Variants in CCDC148 observed in about 807,000 individuals in gnomAD.
The protein encoded by CCDC148 is coiled-coil domain-containing protein 148.
A neutral mutation model predicts 85.7 loss-of-function variants in CCDC148; 89 were observed. The ratio of observed to expected loss-of-function variants is 1.04; its 90% CI spans 0.87 to 1.24. The LOEUF (loss-of-function observed/expected upper bound fraction) is 1.24. Among genes scored for constraint, CCDC148 ranks in the 50% most tolerant of loss-of-function variants. The pLI is 0.00. For missense variants in CCDC148, 692 were observed against 671.7 expected, an observed-to-expected ratio of 1.03 and a Z score of -0.33; for synonymous variants, 230 against 213.9, an observed-to-expected ratio of 1.08 and a Z score of -0.66.
Position 158,328,644 on chromosome 2 carries a change from C to T in CCDC148, c.764+10082G>A, listed in dbSNP as rs372519869. ...CAGTCCCACCAACAGTGTAAAAGTG[C>T]TCCTATTTCTCCACATCCTCTCCAG... On this transcript the variant is annotated intron_variant, in intron 7 of 13. Transcript: ENST00000283233. Among the ~76,000 whole-genome samples the T allele has an allele frequency of 1.3e-4, 20 of 152,118 alleles. No homozygotes were observed. In the East Asian group the frequency reaches 1.5e-3, roughly 12 times the overall value.
At chr2:158,278,858 G>C (rs1178492310) in intron 9 of CCDC148, among the ~76,000 whole-genome samples, 2 of 152,202 alleles carry the variant, frequency 1.3e-5, no homozygotes, top group African/African-American at 4.8e-5. Flanking sequence ...CCCCTGAGCA[G>C]CCTAACTGGG....
chr2:158,178,965 G>A lies in CCDC148; in HGVS notation c.1402C>T (p.Arg468Cys), dbSNP rs770140859. 1.2e-5 allele frequency: 19 copies of A among 1,612,840 alleles called. No individual in the cohort carries two copies. The highest frequency in any genetic ancestry group is 5.0e-5 in the Admixed American group (3 of 59,918). The change falls in exon 12 of 14, where the codon CGT (arginine) becomes TGT (cysteine). Residue 468 changes from arginine to cysteine, a missense_variant. Transcript: ENST00000283233. ...GCCACTTCCTTTTTCTCCATCAAAC[G>A]CCTTTCCAATAATTCTTGTCTATAT... The part of the protein sequence containing the change: ...VKYRQELLER[R>C]LMEKKEVALQ...
At chr2:158,216,007 G>T (rs567051585) in intron 11 of CCDC148, among the ~76,000 whole-genome samples, 66 of 152,092 alleles carry the variant, frequency 4.3e-4, no homozygotes, top group Admixed American at 4.6e-4. Flanking sequence ...AGAATAGTGA[G>T]AAAATAAATT....
chr2:158,329,726 G>A (rs186933858), intron 7 of CCDC148, among the ~76,000 whole-genome samples: 1,964 of 151,882 alleles, frequency 0.013, 35 homozygotes, highest in African/African-American at 0.044. Context: ...GGTCCTTCAC[G>A]TCCCTTGTAA....
At chr2:158,189,984 A>G (rs1016334678) in intron 11 of CCDC148, among the ~76,000 whole-genome samples, 1 of 152,070 alleles carries the variant, frequency 6.6e-6, no homozygotes, top group Non-Finnish European at 1.5e-5. Flanking sequence ...CTGTAGGTAA[A>G]TAACAGGACA....
intron 11 of CCDC148, among the ~76,000 whole-genome samples, chr2:158,191,182 G>A (rs758017488): frequency 5.3e-4 from 81 of 151,942 alleles, no homozygotes; most frequent in Non-Finnish European, 1.1e-3. Flanking sequence ...AGAAACCACA[G>A]TCTTCTCCCT....
intron 2 of CCDC148, among the ~76,000 whole-genome samples, chr2:158,357,007 C>A (rs570593898): frequency 2.7e-5 from 4 of 149,786 alleles, no homozygotes; most frequent in South Asian, 4.3e-4. Flanking sequence ...TGCATATTCT[C>A]ACTCATAGGT....
intron 1 of CCDC148, among the ~76,000 whole-genome samples, chr2:158,435,698 CA>C (rs1398531057): frequency 3.0e-4 from 45 of 152,244 alleles, no homozygotes; most frequent in Non-Finnish European, 2.5e-4. Flanking sequence ...GATAAAGAGT[CA>C]AGACCCATCA....
chr2:158,256,604 T>A (rs952251495), intron 9 of CCDC148, among the ~76,000 whole-genome samples: 1 of 151,792 alleles, frequency 6.6e-6, no homozygotes, highest in Non-Finnish European at 1.5e-5. Context: ...TGCCTATAAC[T>A]GACAATAATG....
intron 1 of CCDC148, among the ~76,000 whole-genome samples, chr2:158,429,267 C>A (rs1381160212): frequency 6.6e-6 from 1 of 151,682 alleles, no homozygotes; most frequent in African/African-American, 2.4e-5. Context: ...CACATGTACC[C>A]TATAACTTAA....
Position 158,341,494 on chromosome 2 carries a change from T to A in CCDC148, c.252-814A>T, listed in dbSNP as rs558734254. ...GCTAATATGTGCGTGTGTGTACTTT[T>A]ATTAGAGACAGGGTTTCACTATGTG... On this transcript the variant is annotated intron_variant, in intron 3 of 13. Transcript: ENST00000283233. 7.9e-5 allele frequency among the ~76,000 whole-genome samples: 12 copies of A among 152,202 alleles called. No homozygotes were observed. The East Asian group carries it at 2.3e-3, about 29-fold the overall frequency.
intron 2 of CCDC148, among the ~76,000 whole-genome samples, chr2:158,355,346 A>T (rs1683571860): frequency 6.6e-6 from 1 of 152,074 alleles, no homozygotes. Context: ...TCTCAGCCCA[A>T]AATCTCCTTA....
At chr2:158,452,303 C>T (rs537600264) in intron 1 of CCDC148, among the ~76,000 whole-genome samples, 1 of 152,148 alleles carries the variant, frequency 6.6e-6, no homozygotes, top group East Asian at 1.9e-4. Flanking sequence ...TGCTAGGAAA[C>T]GTATGATAAA....
chr2:158,225,654 C>T (rs1403815354), intron 10 of CCDC148, among the ~76,000 whole-genome samples: 1 of 152,222 alleles, frequency 6.6e-6, no homozygotes, highest in South Asian at 2.1e-4. Flanking sequence ...AAGAAACTCA[C>T]TCAAAACTGC....
Position 158,277,364 on chromosome 2 carries a change from A to T in CCDC148, c.1111-26452T>A, listed in dbSNP as rs192247191. Among the ~76,000 whole-genome samples, 5 of 152,280 alleles carry T rather than the reference A, an allele frequency of 3.3e-5. No individual in the cohort carries two copies. The East Asian group carries it at 9.6e-4, about 29-fold the overall frequency. ...ATAATGACCATTCCTGATACTTACC[A>T]TTCACACCTACTGAGAATGTTCCAA... is the stretch of plus-strand genomic sequence containing the variant. On this transcript the variant is annotated intron_variant, in intron 9 of 13. Transcript: ENST00000283233.
chr2:158,403,150 T>A (rs913921218), intron 1 of CCDC148, among the ~76,000 whole-genome samples: 3 of 152,078 alleles, frequency 2.0e-5, no homozygotes, highest in Admixed American at 6.6e-5. Context: ...TTCATTTTTT[T>A]AAAATCAAAC....
At chr2:158,181,034 C>T (rs1684876658) in intron 11 of CCDC148, among the ~76,000 whole-genome samples, 1 of 152,140 alleles carries the variant, frequency 6.6e-6, no homozygotes. Context: ...ATGACACAAC[C>T]TCCCTAATGA....
intron 1 of CCDC148, among the ~76,000 whole-genome samples, chr2:158,410,362 G>A (rs1421792110): frequency 6.6e-6 from 1 of 152,066 alleles, no homozygotes; most frequent in African/African-American, 2.4e-5. Context: ...TGTAATTATT[G>A]ATAAGTGAGA....
chr2:158,429,891 A>G (rs551270016), intron 1 of CCDC148, among the ~76,000 whole-genome samples: 2 of 152,346 alleles, frequency 1.3e-5, no homozygotes, highest in East Asian at 3.9e-4. Context: ...AGGCCATACA[A>G]CAGGGAGAGC....
Sources: allele counts gnomAD v4.1 joint callset (sites outside exome capture counted in the v4.1 genomes callset), GRCh38; gene constraint gnomAD v4.1.1; transcripts MANE v1.5; gene names NCBI Gene and HGNC (gene_info 2026-07-23, HGNC 2026-07-21).